EXOC3L4: variants seen among roughly 807,000 people sequenced by gnomAD.
EXOC3L4 encodes the protein exocyst complex component 3-like protein 4.
In EXOC3L4, 62 loss-of-function variants were observed where a neutral mutation model predicts 69.7. The observed-to-expected ratio is 0.89, with a 90% CI of 0.72 to 1.10. EXOC3L4 has a LOEUF of 1.10. Among genes scored for constraint, EXOC3L4 ranks in the 50% least tolerant of loss-of-function variants. The pLI is 0.00. For missense variants in EXOC3L4, 1,087 were observed against 1,034.8 expected (o/e 1.05, Z -0.69); for synonymous variants, 502 against 464.2 (o/e 1.08, Z -1.05).
At chr14:103,107,323 C>A in intron 8 of EXOC3L4, 101 bp from the exon 9 acceptor site, 2 of 1,526,142 alleles carry the variant, frequency 1.3e-6, no homozygotes, top group East Asian at 2.3e-5. Context: ...CACCCCAAAC[C>A]CAGGAGGGAA....
In EXOC3L4 at chr14:103,100,443, T is replaced by C; in HGVS notation, c.224T>C (p.Leu75Pro). The C allele has an allele frequency of 6.2e-7, 1 of 1,613,432 alleles. No homozygotes were observed. Among genetic ancestry groups the C allele is most frequent in the Non-Finnish European group, 8.5e-7 (1 of 1,179,946 alleles). Residue 75 changes from leucine (L) to proline (P), a missense_variant, in exon 2 of 12, where the codon CTG becomes CCG. Physicochemically the swap from Leu to Pro is moderately conservative, Grantham distance 98. Transcript: ENST00000688303. ...LTQVSKEDTG[L>P]FRRSSCSLFR... ...CAGGTCTCCAAGGAAGATACGGGCC[T>C]GTTCCGGCGAAGCTCCTGCTCCCTG...
chr14:103,108,106 C>T (rs1890675827), intron 10 of EXOC3L4, among the ~76,000 whole-genome samples: 1 of 152,224 alleles, frequency 6.6e-6, no homozygotes, highest in Non-Finnish European at 1.5e-5. Flanking sequence ...CGCCCCTGCA[C>T]ACCCCTCGTC....
chr14:103,108,333 T>C (rs1890697457), intron 10 of EXOC3L4, 63 bp from the exon 11 acceptor site: 2 of 1,590,282 alleles, frequency 1.3e-6, no homozygotes, highest in South Asian at 2.3e-5. Context: ...CTCGCGCTCT[T>C]GCAGGAGTTG....
At position 103,104,826 on chromosome 14, in the gene EXOC3L4, T is replaced by C; in HGVS notation, c.1373T>C (p.Leu458Pro). The C allele has an allele frequency of 6.6e-7, 1 of 1,506,842 alleles. No individual in the cohort carries two copies. The highest frequency in any genetic ancestry group is 1.2e-5 in the South Asian group (1 of 80,118). The allele number at this position is 1,506,842 out of a possible 1,614,324, so 93.3% of individuals were successfully genotyped here. A position where few individuals can be genotyped will look rare whatever the true frequency, so the allele number is the denominator to read the frequency against. The change falls in exon 6 of 12, where the codon CTC (leucine) becomes CCC (proline). Residue 458 changes from leucine (L) to proline (P), a missense_variant. Physicochemically the swap from Leu to Pro is moderately conservative, Grantham distance 98. Coordinates refer to ENST00000688303, the MANE Select transcript of EXOC3L4 (RefSeq NM_001077594.2). ...CGAATCTGCACGCGGGCGCTCGGCC[T>C]CTTCGTGCCCAGGTGCGGACGCATC... ...TLRICTRALG[L>P]FVPRFEKAFL...
chr14:103,100,311 G>A lies in EXOC3L4; in HGVS notation c.92G>A (p.Arg31Gln), dbSNP rs767857655. The part of the protein sequence containing the change: ...EPQTPAQGSR[R>Q]TSSRKEPNAH... ...CAGACTCCAGCTCAGGGCTCCCGGCGAACAAGCAGCAGGAAAGAGCCCAAT... is the reference window on the plus strand; with the variant it reads ...CAGACTCCAGCTCAGGGCTCCCGGCAAACAAGCAGCAGGAAAGAGCCCAAT... The change falls in exon 2 of 12, where the codon CGA becomes CAA. Residue 31 changes from arginine to glutamine, a missense_variant. By Grantham distance (43) the Arg-to-Gln change is conservative. Coordinates refer to ENST00000688303, the MANE Select transcript of EXOC3L4 (RefSeq NM_001077594.2). The A allele has an allele frequency of 8.8e-6, 14 of 1,586,546 alleles. No homozygotes were observed. Among genetic ancestry groups the A allele is most frequent in the Middle Eastern group, 3.3e-4 (2 of 6,038 alleles).
At chr14:103,108,121 C>T (rs374463653) in intron 10 of EXOC3L4, among the ~76,000 whole-genome samples, 1 of 152,168 alleles carries the variant, frequency 6.6e-6, no homozygotes, top group East Asian at 1.9e-4. Context: ...CTCGTCTGCC[C>T]CCTAGCAGTG....
At chr14:103,099,452 A>G (rs1022175647) in intron 1 of EXOC3L4, among the ~76,000 whole-genome samples, 2 of 152,024 alleles carry the variant, frequency 1.3e-5, no homozygotes, top group African/African-American at 4.8e-5. Flanking sequence ...GGAGAGGGAG[A>G]GGAGTGGGGG....
chr14:103,098,261 C>A (rs1424776724), intron 1 of EXOC3L4, among the ~76,000 whole-genome samples: 1 of 152,096 alleles, frequency 6.6e-6, no homozygotes, highest in African/African-American at 2.4e-5. Context: ...CACATCTGAC[C>A]CCACTCTGGG....
intron 5 of EXOC3L4, 145 bp downstream of exon 5, chr14:103,104,534 G>T: frequency 7.5e-7 from 1 of 1,339,316 alleles, no homozygotes; most frequent in Non-Finnish European, 9.7e-7. Context: ...GGGAAATCGG[G>T]GACCCCCGGC....
chr14:103,103,754 T>C, intron 3 of EXOC3L4, 187 bp from the exon 4 acceptor site: 4 of 531,210 alleles, frequency 7.5e-6, no homozygotes, highest in Non-Finnish European at 1.3e-5. Context: ...TGTCAGAGGC[T>C]TCCCGGGAGG....
In EXOC3L4 at chr14:103,108,318, C is replaced by G. The variant is rs1890696292; in HGVS notation, c.1855-78C>G. 5 of 1,569,800 alleles carry G rather than the reference C, an allele frequency of 3.2e-6. 1 individual carries two copies. The highest frequency in any genetic ancestry group is 1.2e-5 in the South Asian group (1 of 84,398). On this transcript the variant is annotated intron_variant, in intron 10 of 11. Transcript: ENST00000688303. The stretch of plus-strand genomic sequence containing the variant: ...ACGCTGCGGGAGGGCTGACCTCGCA[C>G]TGACCTCGCGCTCTTGCAGGAGTTG...
In EXOC3L4 at chr14:103,110,159, G is replaced by A. The variant is rs766420697; in HGVS notation, c.2105G>A (p.Gly702Asp). The stretch of plus-strand genomic sequence containing the variant: ...GCGGCGGGTGCGGAGGCCCCTCGGG[G>A]CCGCGTGCTCTTCGAGGAGATCAAG... The part of the protein sequence containing the change: ...AGAAGAEAPR[G>D]RVLFEEIKVP... The change falls in exon 12 of 12, where the codon GGC (glycine) becomes GAC (aspartate). Residue 702 changes from glycine (G) to aspartate (D), a missense_variant. Transcript: ENST00000688303. 64 of 1,541,700 alleles carry A rather than the reference G, an allele frequency of 4.2e-5. No individual in the cohort carries two copies. Among genetic ancestry groups the A allele is most frequent in the Non-Finnish European group, 5.6e-5 (64 of 1,142,612 alleles).
chr14:103,104,555 G>A (rs1890424312), intron 5 of EXOC3L4, 166 bp downstream of exon 5: 2 of 1,301,676 alleles, frequency 1.5e-6, no homozygotes, highest in Admixed American at 3.3e-5. Flanking sequence ...GCGCCGACGG[G>A]CAGGGAGGCT....
Position 103,107,664 on chromosome 14 carries a change from C to T in EXOC3L4, c.1735C>T (p.Arg579Cys), listed in dbSNP as rs199568252. 453 of 1,571,162 alleles carry T rather than the reference C, an allele frequency of 2.9e-4. 4 individuals carry two copies. In the South Asian group the frequency reaches 3.9e-3, roughly 13 times the overall value. The change falls in exon 10 of 12, where the codon CGC (arginine) becomes TGC (cysteine). Residue 579 changes from arginine (R) to cysteine (C), a missense_variant. Coordinates refer to ENST00000688303, the MANE Select transcript of EXOC3L4 (RefSeq NM_001077594.2). The part of the protein sequence containing the change: ...TLQEVHRFVV[R>C]EYLARALRPR... Reference sequence around the variant, plus strand: ...GCAGGAGGTGCACCGGTTCGTGGTCCGCGAGTACCTGGCGCGGGCGCTGAG... The same window carrying T: ...GCAGGAGGTGCACCGGTTCGTGGTCTGCGAGTACCTGGCGCGGGCGCTGAG...
At chr14:103,104,238 T>C (rs1432812552) in intron 4 of EXOC3L4, 29 bp from the exon 5 acceptor site, 4 of 1,541,198 alleles carry the variant, frequency 2.6e-6, no homozygotes, top group Admixed American at 3.8e-5. Context: ...TGGGAGGGTC[T>C]CACCACGGCC....
chr14:103,104,469 C>G (rs1410957800), intron 5 of EXOC3L4, 80 bp downstream of exon 5: 4 of 1,419,912 alleles, frequency 2.8e-6, no homozygotes, highest in Non-Finnish European at 3.7e-6. Context: ...GAACGAATTC[C>G]TATCCAGTCC....
intron 5 of EXOC3L4, 156 bp from the exon 6 acceptor site, chr14:103,104,582 C>T: frequency 1.6e-6 from 2 of 1,222,102 alleles, no homozygotes; most frequent in African/African-American, 1.6e-5. Flanking sequence ...TGGGAGTTTG[C>T]GGGAGTTGAC....
chr14:103,096,329 T>C (rs905466068), intron 1 of EXOC3L4, among the ~76,000 whole-genome samples: 3 of 150,982 alleles, frequency 2.0e-5, no homozygotes, highest in African/African-American at 7.3e-5. Flanking sequence ...ACTCCAGCAG[T>C]GGGTGAAGTG....
intron 1 of EXOC3L4, among the ~76,000 whole-genome samples, chr14:103,095,789 A>G (rs1889863741): frequency 6.6e-6 from 1 of 152,236 alleles, no homozygotes; most frequent in Admixed American, 6.5e-5. Flanking sequence ...TAATCAATGC[A>G]CAAAATTTAC....
Sources: allele counts gnomAD v4.1 joint callset (sites outside exome capture counted in the v4.1 genomes callset), GRCh38; gene constraint gnomAD v4.1.1; transcripts MANE v1.5; gene names NCBI Gene and HGNC (gene_info 2026-07-23, HGNC 2026-07-21).